SLC24A2: variants seen among roughly 807,000 people sequenced by gnomAD.
The protein encoded by SLC24A2 is sodium/potassium/calcium exchanger 2.
Under a neutral mutation model 62.0 loss-of-function variants are expected in SLC24A2, and 36 were observed. The ratio of observed to expected loss-of-function variants is 0.58; its 90% CI spans 0.44 to 0.77. The LOEUF is 0.77. Among genes scored for constraint, SLC24A2 ranks in the 30% least tolerant of loss-of-function variants. SLC24A2 has a pLI of 0.00. For synonymous variants in SLC24A2, 358 were observed against 294.0 expected (o/e 1.22, Z -2.23); for missense variants, 846 against 817.9 (o/e 1.03, Z -0.42).
chr9:19,825,899 G>A, the SLC24A2 span, among the ~76,000 whole-genome samples: 2 of 152,118 alleles, frequency 1.3e-5, no homozygotes, highest in Non-Finnish European at 2.9e-5. Context: ...ACCCTTAAAA[G>A]TGATTCAGGC....
At chr9:19,691,530 G>A (rs928149935) in intron 2 of SLC24A2, among the ~76,000 whole-genome samples, 3 of 152,112 alleles carry the variant, frequency 2.0e-5, no homozygotes, top group African/African-American at 7.2e-5. Context: ...CCATAGCTGG[G>A]TTCTATCTCT....
At chr9:19,845,969 A>AT in the SLC24A2 span, among the ~76,000 whole-genome samples, 13,618 of 149,308 alleles carry the variant, frequency 0.091, 694 homozygotes, top group East Asian at 0.22. Flanking sequence ...GTATGACTTC[A>AT]TTTTTTTTTC....
chr9:19,691,019 T>C (rs1250475280), intron 2 of SLC24A2, among the ~76,000 whole-genome samples: 1 of 152,058 alleles, frequency 6.6e-6, no homozygotes. Flanking sequence ...ATATGATAAT[T>C]AGTTAAATAA....
At chr9:20,013,316 G>T in the SLC24A2 span, among the ~76,000 whole-genome samples, 1 of 152,144 alleles carries the variant, frequency 6.6e-6, no homozygotes, top group African/African-American at 2.4e-5. Flanking sequence ...GAGAAAGGAT[G>T]GTCTCTTCAA....
At chr9:19,723,346 A>C (rs919937762) in intron 2 of SLC24A2, among the ~76,000 whole-genome samples, 1 of 152,138 alleles carries the variant, frequency 6.6e-6, no homozygotes, top group Non-Finnish European at 1.5e-5. Flanking sequence ...CTAACAATAA[A>C]GAAAAATAAG....
the SLC24A2 span, among the ~76,000 whole-genome samples, chr9:20,095,060 C>T: frequency 2.0e-5 from 3 of 152,048 alleles, no homozygotes; most frequent in South Asian, 6.2e-4. Context: ...AATATTAAAA[C>T]AAATTAAATG....
chr9:19,535,045 A>G (rs533513907), intron 8 of SLC24A2, among the ~76,000 whole-genome samples: 5 of 152,124 alleles, frequency 3.3e-5, no homozygotes, highest in East Asian at 1.9e-4. Flanking sequence ...TTTAATGATC[A>G]CCATTCTAAC....
At chr9:19,549,933 T>C (rs967814312) in intron 8 of SLC24A2, among the ~76,000 whole-genome samples, 1 of 152,264 alleles carries the variant, frequency 6.6e-6, no homozygotes, top group African/African-American at 2.4e-5. Flanking sequence ...GAAATCTGTA[T>C]ATTCTTAATG....
intron 2 of SLC24A2, among the ~76,000 whole-genome samples, chr9:19,666,512 G>T (rs7040903): frequency 2.8e-4 from 43 of 151,928 alleles, no homozygotes; most frequent in African/African-American, 1.0e-3. Flanking sequence ...ACTAAGGATC[G>T]GTGCAAGCTC....
intron 2 of SLC24A2, among the ~76,000 whole-genome samples, chr9:19,665,125 G>A (rs1819211788): frequency 1.3e-5 from 2 of 152,168 alleles, no homozygotes; most frequent in South Asian, 4.1e-4. Flanking sequence ...GCCTGCTCTT[G>A]AGGAAAGCCG....
At chr9:20,228,459 C>T in the SLC24A2 span, among the ~76,000 whole-genome samples, 7 of 151,776 alleles carry the variant, frequency 4.6e-5, no homozygotes, top group African/African-American at 7.3e-5. Context: ...AGAGAGCTGG[C>T]ACCCCAAATT....
the SLC24A2 span, among the ~76,000 whole-genome samples, chr9:19,920,480 C>T: frequency 6.6e-6 from 1 of 152,016 alleles, no homozygotes; most frequent in African/African-American, 2.4e-5. Flanking sequence ...GGAGGAGATC[C>T]CAGGAAGTAC....
intron 7 of SLC24A2, among the ~76,000 whole-genome samples, chr9:19,553,107 A>G (rs1269956271): frequency 6.6e-6 from 1 of 152,194 alleles, no homozygotes; most frequent in Non-Finnish European, 1.5e-5. Context: ...GTACCCCAGG[A>G]GCAAGGCTGT....
chr9:19,634,616 T>A (rs1206815402), intron 2 of SLC24A2, among the ~76,000 whole-genome samples: 2 of 152,294 alleles, frequency 1.3e-5, no homozygotes, highest in East Asian at 3.9e-4. Flanking sequence ...TGACTTTACT[T>A]GCCTGCTCTA....
the SLC24A2 span, among the ~76,000 whole-genome samples, chr9:19,914,443 T>C: frequency 6.6e-6 from 1 of 152,142 alleles, no homozygotes; most frequent in Non-Finnish European, 1.5e-5. Context: ...ACAACTTGTA[T>C]TCCAGTGATT....
the SLC24A2 span, among the ~76,000 whole-genome samples, chr9:19,869,496 A>C: frequency 2.6e-5 from 4 of 151,820 alleles, no homozygotes; most frequent in African/African-American, 9.7e-5. Flanking sequence ...CCCTTCACTA[A>C]CTTTTACAGG....
intron 4 of SLC24A2, among the ~76,000 whole-genome samples, chr9:19,603,507 G>A (rs966535805): frequency 1.1e-4 from 16 of 148,648 alleles, no homozygotes; most frequent in South Asian, 4.3e-4. Flanking sequence ...AGGGGAGGGA[G>A]GGGGGCACTA....
chr9:19,861,391 C>G, the SLC24A2 span, among the ~76,000 whole-genome samples: 1 of 152,176 alleles, frequency 6.6e-6, no homozygotes, highest in Non-Finnish European at 1.5e-5. Flanking sequence ...GGCTTGGGGT[C>G]CACCCTAAAT....
intron 7 of SLC24A2, among the ~76,000 whole-genome samples, chr9:19,567,544 CAAAAAA>C (rs747824353): frequency 2.6e-5 from 1 of 38,416 alleles, no homozygotes; most frequent in Non-Finnish European, 5.8e-5. Flanking sequence ...GACTCCATCT[CAAAAAA>C]AAAAAAAAAA....
Sources: allele counts gnomAD v4.1 joint callset (sites outside exome capture counted in the v4.1 genomes callset), GRCh38; gene constraint gnomAD v4.1.1; transcripts MANE v1.5; gene names NCBI Gene and HGNC (gene_info 2026-07-23, HGNC 2026-07-21).